Variants in BPI observed in about 807,000 individuals in gnomAD.
BPI encodes bactericidal permeability-increasing protein.
BPI carries 48 observed loss-of-function variants against 57.6 expected under a neutral mutation model. That is an observed-to-expected ratio of 0.83 (90% confidence interval 0.66 to 1.06). BPI has a LOEUF of 1.06. Among genes scored for constraint, BPI ranks in the 50% least tolerant of loss-of-function variants. BPI has a pLI of 0.00. For synonymous variants in BPI, 237 were observed against 238.2 expected (o/e 0.99, Z 0.05); for missense variants, 651 against 609.7 (o/e 1.07, Z -0.71).
At chr20:38,326,798 CAGTT>C (rs1644632798) in intron 10 of BPI, among the ~76,000 whole-genome samples, 1 of 152,068 alleles carries the variant, frequency 6.6e-6, no homozygotes, top group Non-Finnish European at 1.5e-5. Flanking sequence ...TTAATTCATT[CAGTT>C]ATTTATTAGA....
chr20:38,324,209 A>G (rs5741805), intron 8 of BPI, among the ~76,000 whole-genome samples, 163 bp downstream of exon 8: 6,281 of 152,234 alleles, frequency 0.041, 392 homozygotes, highest in East Asian at 0.3. Context: ...ACCCCTCTCC[A>G]GCTGGGTGAC....
chr20:38,334,483 CA>C lies in BPI; in HGVS notation c.1327del (p.Arg443GlyfsTer23). ...NYIVPILVLP[R>X]VNEKLQKGFP... ...ACATTGTACCCATTCTTGTGCTGCCCAGGGTTAACGGTAAGGAACTTTGAAG... is the reference window on the plus strand; with the variant it reads ...ACATTGTACCCATTCTTGTGCTGCCCGGGTTAACGGTAAGGAACTTTGAAG... On this transcript the variant is annotated frameshift_variant, in exon 13 of 15. Coordinates refer to ENST00000642449, the MANE Select transcript of BPI (RefSeq NM_001725.3). LOFTEE classifies it high-confidence loss of function. 6.2e-7 allele frequency: 1 copy of C among 1,613,508 alleles called. No individual in the cohort carries two copies. The highest frequency in any genetic ancestry group is 2.2e-5 in the East Asian group (1 of 44,876).
At chr20:38,308,496 G>T (rs565920109) in intron 2 of BPI, among the ~76,000 whole-genome samples, 1 of 152,326 alleles carries the variant, frequency 6.6e-6, no homozygotes, top group Non-Finnish European at 1.5e-5. Context: ...CCCACTGTGT[G>T]TCTGACACAG....
chr20:38,312,160 T>A (rs1260872938), intron 5 of BPI, among the ~76,000 whole-genome samples: 2 of 151,232 alleles, frequency 1.3e-5, no homozygotes, highest in Non-Finnish European at 2.9e-5. Context: ...CCAGCAAACT[T>A]TCCCTCATGC....
chr20:38,329,057 G>C (rs951961073), intron 11 of BPI, among the ~76,000 whole-genome samples: 1 of 151,658 alleles, frequency 6.6e-6, no homozygotes, highest in Non-Finnish European at 1.5e-5. Context: ...AAAAGTAAAA[G>C]AAATACAGAA....
rs779023074 is a variant in BPI, at chr20:38,307,550, C to A, written c.131-17C>A. ...CAGGCTGTGCCTCTCACTGTCACCC[C>A]TGCCTTCTCCCTTCAGCCAGCCAGC... On this transcript the variant is annotated splice_polypyrimidine_tract_variant and intron_variant, in intron 1 of 14. Coordinates refer to ENST00000642449, the MANE Select transcript of BPI (RefSeq NM_001725.3). 1 of 1,590,228 alleles carries A rather than the reference C, an allele frequency of 6.3e-7. No individual in the cohort carries two copies. Among genetic ancestry groups the A allele is most frequent in the South Asian group, 1.1e-5 (1 of 88,096 alleles).
rs199552054 is a variant in BPI at position 38,308,726 on chromosome 20, GT to G, written c.246-198del. 5.7e-3 allele frequency among the ~76,000 whole-genome samples: 861 copies of G among 152,278 alleles called. 7 individuals carry two copies. The highest frequency in any genetic ancestry group is 0.019 in the African/African-American group (793 of 41,564). ...ATTAAAGAGCAGGATTTAAATGCAAGTTTTTTCTGACTTCAAAACCTAAGCC... is the reference window on the plus strand; with the variant it reads ...ATTAAAGAGCAGGATTTAAATGCAAGTTTTTCTGACTTCAAAACCTAAGCC... On this transcript the variant is annotated intron_variant, in intron 2 of 14. Coordinates refer to ENST00000642449, the MANE Select transcript of BPI (RefSeq NM_001725.3).
intron 5 of BPI, among the ~76,000 whole-genome samples, chr20:38,312,864 A>G (rs2076628216): frequency 6.6e-6 from 1 of 152,252 alleles, no homozygotes; most frequent in Admixed American, 6.5e-5. Flanking sequence ...GTCAAAATGC[A>G]TAACACAGTG....
chr20:38,311,427 C>T (rs371627951), intron 4 of BPI, among the ~76,000 whole-genome samples: 5 of 152,310 alleles, frequency 3.3e-5, no homozygotes, highest in Admixed American at 6.5e-5. Flanking sequence ...AGGCTCTGAC[C>T]GCATCTGGGA....
At chr20:38,336,309 C>T (rs1229652572) in intron 14 of BPI, among the ~76,000 whole-genome samples, 3 of 152,092 alleles carry the variant, frequency 2.0e-5, no homozygotes, top group East Asian at 1.9e-4. Flanking sequence ...GGCAAGCCTT[C>T]GTCACTCTTG....
chr20:38,310,370 G>A lies in BPI; in HGVS notation c.375-121G>A, dbSNP rs5743505. 61 of 1,240,288 alleles carry A rather than the reference G, an allele frequency of 4.9e-5. No homozygotes were observed. In the Admixed American group the frequency reaches 1.3e-3, roughly 26 times the overall value. The allele number at this position is 1,240,288 out of a possible 1,614,324, so 76.8% of individuals were successfully genotyped here. A position where few individuals can be genotyped will look rare whatever the true frequency, so the allele number is the denominator to read the frequency against. ...CTTGGGCAAGCTGCCTCTTCTCTCT[G>A]AACGTACCTCCTCACCTGGAGTGGG... On this transcript the variant is annotated intron_variant, in intron 3 of 14. Coordinates refer to ENST00000642449, the MANE Select transcript of BPI (RefSeq NM_001725.3).
intron 1 of BPI, among the ~76,000 whole-genome samples, chr20:38,306,672 G>T (rs2076598200): frequency 1.3e-5 from 2 of 152,174 alleles, no homozygotes; most frequent in Admixed American, 1.3e-4. Context: ...CATGTGCAAA[G>T]GCCCTGGGGA....
intron 5 of BPI, among the ~76,000 whole-genome samples, chr20:38,316,790 T>C (rs1052414684): frequency 3.3e-5 from 5 of 152,160 alleles, no homozygotes; most frequent in African/African-American, 1.2e-4. Flanking sequence ...CTTAGGGTCC[T>C]AACTGCTTGG....
chr20:38,335,727 CA>C (rs1216159075), intron 14 of BPI, 53 bp downstream of exon 14: 8 of 1,549,312 alleles, frequency 5.2e-6, no homozygotes, highest in Non-Finnish European at 7.1e-6. Context: ...TGACCAACAG[CA>C]GCCTATGGCT....
At chr20:38,327,437 G>A (rs5743526) in intron 10 of BPI, 151 bp from the exon 11 acceptor site, 43 of 719,940 alleles carry the variant, frequency 6.0e-5, no homozygotes, top group African/African-American at 5.7e-4. Context: ...AAAGCCAAGG[G>A]AAGTCTCCCC....
intron 1 of BPI, among the ~76,000 whole-genome samples, chr20:38,305,445 C>T (rs2076592479): frequency 6.6e-6 from 1 of 152,214 alleles, no homozygotes; most frequent in East Asian, 1.9e-4. Flanking sequence ...TACACATCCT[C>T]CCCTGGCTCA....
intron 7 of BPI, among the ~76,000 whole-genome samples, chr20:38,322,079 C>T (rs1341578962): frequency 2.0e-5 from 3 of 152,208 alleles, no homozygotes; most frequent in Admixed American, 6.5e-5. Flanking sequence ...CTTTGCCATC[C>T]ATGAAATGTC....
At chr20:38,334,979 T>C (rs2076760061) in intron 13 of BPI, among the ~76,000 whole-genome samples, 1 of 151,680 alleles carries the variant, frequency 6.6e-6, no homozygotes, top group South Asian at 2.1e-4. Flanking sequence ...CCTTTGAGAG[T>C]GAGGGGCAAA....
chr20:38,331,456 C>T (rs1240669101), intron 12 of BPI, among the ~76,000 whole-genome samples: 2 of 152,148 alleles, frequency 1.3e-5, no homozygotes, highest in African/African-American at 4.8e-5. Context: ...CTATTATGTG[C>T]CAAGTACTCT....
Sources: gnomAD v4.1 joint callset for allele counts (sites outside exome capture counted in the v4.1 genomes callset) on GRCh38, gnomAD v4.1.1 for gene constraint, MANE v1.5 for transcripts, NCBI Gene and HGNC (gene_info 2026-07-23, HGNC 2026-07-21) for gene names.